TEC: variants seen among roughly 807,000 people sequenced by gnomAD.
The protein encoded by TEC is tyrosine-protein kinase Tec.
TEC carries 72 observed loss-of-function variants against 93.0 expected under a neutral mutation model. The ratio of observed to expected loss-of-function variants is 0.77; its 90% CI spans 0.64 to 0.94. The LOEUF (loss-of-function observed/expected upper bound fraction) is 0.94, where lower values mean the gene tolerates loss of function less well. Ranked by LOEUF, TEC falls within the 40% of genes least tolerant of loss-of-function variation. The probability of loss-of-function intolerance (pLI) is 0.00; values close to 1 mark genes in which losing one functional copy is unlikely to be tolerated. For synonymous variants in TEC, 249 were observed against 247.7 expected (o/e 1.01, Z -0.05); for missense variants, 630 against 757.9 (o/e 0.83, Z 1.98).
chr4:48,224,495 GC>G (rs1723375915), intron 2 of TEC, among the ~76,000 whole-genome samples: 1 of 152,082 alleles, frequency 6.6e-6, no homozygotes, highest in Non-Finnish European at 1.5e-5. Flanking sequence ...GTGTCATTTA[GC>G]CCCGTGACTA....
At chr4:48,138,202 C>T (rs1447758624) in intron 17 of TEC, among the ~76,000 whole-genome samples, 1 of 152,220 alleles carries the variant, frequency 6.6e-6, no homozygotes, top group East Asian at 1.9e-4. Context: ...GTACATAATA[C>T]ATGTGAGCTA....
chr4:48,248,496 G>A (rs1724117433), intron 1 of TEC, among the ~76,000 whole-genome samples: 1 of 152,164 alleles, frequency 6.6e-6, no homozygotes, highest in African/African-American at 2.4e-5. Context: ...CAAGTCACAA[G>A]CCCAGCGTCA....
chr4:48,149,735 G>T, intron 10 of TEC, 45 bp from the exon 11 acceptor site: 1 of 1,555,520 alleles, frequency 6.4e-7, no homozygotes, highest in Non-Finnish European at 8.7e-7. Context: ...TGAAATAATA[G>T]AACTTCATTC....
chr4:48,237,439 G>A (rs529105713), intron 1 of TEC, among the ~76,000 whole-genome samples: 113 of 152,182 alleles, frequency 7.4e-4, no homozygotes, highest in Non-Finnish European at 1.5e-3. Context: ...GAACAGAGGT[G>A]CTAAATGGGA....
chr4:48,163,155 A>C (rs778782814), intron 8 of TEC, among the ~76,000 whole-genome samples: 9 of 152,214 alleles, frequency 5.9e-5, no homozygotes, highest in Non-Finnish European at 1.3e-4. Flanking sequence ...TGCTTGATAC[A>C]TGCTAAGATC....
chr4:48,230,807 G>C (rs1333427194), intron 1 of TEC, among the ~76,000 whole-genome samples: 1 of 152,082 alleles, frequency 6.6e-6, no homozygotes, highest in Non-Finnish European at 1.5e-5. Flanking sequence ...TTCATTCCCT[G>C]GCCTAGTGGA....
chr4:48,261,671 G>A (rs1348982206), intron 1 of TEC, among the ~76,000 whole-genome samples: 3 of 152,126 alleles, frequency 2.0e-5, no homozygotes, highest in Non-Finnish European at 2.9e-5. Flanking sequence ...AAAATAAAAG[G>A]AGTAGGATAC....
chr4:48,249,170 C>T (rs1338412080), intron 1 of TEC, among the ~76,000 whole-genome samples: 1 of 152,212 alleles, frequency 6.6e-6, no homozygotes, highest in African/African-American at 2.4e-5. Context: ...TCTTCAACAG[C>T]AGTTTGGGCA....
chr4:48,174,999 C>T (rs1262851697), intron 3 of TEC, among the ~76,000 whole-genome samples: 1 of 152,188 alleles, frequency 6.6e-6, no homozygotes, highest in Admixed American at 6.5e-5. Context: ...AAGTGACTTA[C>T]ACAAGCTCAC....
intron 2 of TEC, among the ~76,000 whole-genome samples, chr4:48,211,052 C>T (rs1309018319): frequency 6.6e-6 from 1 of 152,128 alleles, no homozygotes; most frequent in African/African-American, 2.4e-5. Flanking sequence ...ATTATTCTCC[C>T]CAGTTTAAAG....
chr4:48,166,781 A>G (rs1720887578), intron 7 of TEC, among the ~76,000 whole-genome samples: 1 of 151,898 alleles, frequency 6.6e-6, no homozygotes, highest in Non-Finnish European at 1.5e-5. Flanking sequence ...AACATGGAAT[A>G]AAAGGTTAAG....
intron 2 of TEC, among the ~76,000 whole-genome samples, chr4:48,205,897 C>T (rs931528130): frequency 6.6e-6 from 1 of 152,140 alleles, no homozygotes; most frequent in African/African-American, 2.4e-5. Context: ...ATATTCATAT[C>T]GGTTCTATTT....
chr4:48,253,828 G>C (rs1724271439), intron 1 of TEC, among the ~76,000 whole-genome samples: 2 of 151,746 alleles, frequency 1.3e-5, no homozygotes, highest in African/African-American at 2.4e-5. Flanking sequence ...ACCTGCCTAG[G>C]CCCCCCCAAA....
intron 1 of TEC, among the ~76,000 whole-genome samples, chr4:48,241,599 C>T (rs1723924641): frequency 6.6e-6 from 1 of 152,110 alleles, no homozygotes; most frequent in African/African-American, 2.4e-5. Context: ...TAAAGTTTTC[C>T]AAGATAAGAG....
At chr4:48,201,683 C>A (rs552586519) in intron 2 of TEC, among the ~76,000 whole-genome samples, 2 of 152,254 alleles carry the variant, frequency 1.3e-5, no homozygotes, top group African/African-American at 4.8e-5. Flanking sequence ...CTCAGAGGAG[C>A]ATGACAGACA....
At position 48,266,152 on chromosome 4, in the gene TEC, T is replaced by C. The variant is rs566748794; in HGVS notation, c.-46+3600A>G. Among the ~76,000 whole-genome samples the C allele has an allele frequency of 2.6e-5, 4 of 152,386 alleles. No individual in the cohort carries two copies. The South Asian group carries it at 8.3e-4, about 32-fold the overall frequency. ...TCAATTGTCAGTTGAAAACACATTT[T>C]CAGGCATCTACAGTCTCAGAAAAGT... is the stretch of plus-strand genomic sequence containing the variant. On this transcript the variant is annotated intron_variant, in intron 1 of 17. Transcript: ENST00000381501.
intron 2 of TEC, among the ~76,000 whole-genome samples, chr4:48,220,218 G>A (rs1182321552): frequency 6.6e-6 from 1 of 151,500 alleles, no homozygotes; most frequent in East Asian, 2.0e-4. Flanking sequence ...ATCCAGCCAT[G>A]CAACATGTTC....
intron 17 of TEC, among the ~76,000 whole-genome samples, chr4:48,137,964 G>T (rs1466533954): frequency 6.6e-6 from 1 of 152,118 alleles, no homozygotes; most frequent in Non-Finnish European, 1.5e-5. Context: ...TGCCCAGAAT[G>T]TCTCTGCCCA....
At chr4:48,184,058 T>A (rs1356346317) in intron 2 of TEC, among the ~76,000 whole-genome samples, 1 of 152,206 alleles carries the variant, frequency 6.6e-6, no homozygotes, top group East Asian at 1.9e-4. Flanking sequence ...AAGAATATTA[T>A]CATGTCCATA....
Sources: gnomAD v4.1 joint callset for allele counts (sites outside exome capture counted in the v4.1 genomes callset) on GRCh38, gnomAD v4.1.1 for gene constraint, MANE v1.5 for transcripts, NCBI Gene and HGNC (gene_info 2026-07-23, HGNC 2026-07-21) for gene names.